The following FGF14 variants were observed in gnomAD, a reference collection of about 807,000 sequenced individuals.
FGF14 encodes fibroblast growth factor 14.
FGF14 carries 5 observed loss-of-function variants against 25.5 expected under a neutral mutation model. The ratio of observed to expected loss-of-function variants is 0.20; its 90% CI spans 0.10 to 0.41. The LOEUF (loss-of-function observed/expected upper bound fraction) is 0.41. Ranked by LOEUF, FGF14 falls within the 10% of genes least tolerant of loss-of-function variation. The pLI is 1.00. For missense variants in FGF14, 222 were observed against 320.1 expected (o/e 0.69, Z 2.34); for synonymous variants, 138 against 118.3 (o/e 1.17, Z -1.08).
intron 1 of FGF14, among the ~76,000 whole-genome samples, chr13:102,091,649 C>T (rs1381314446): frequency 4.6e-5 from 7 of 152,128 alleles, no homozygotes; most frequent in East Asian, 1.9e-4. Flanking sequence ...TAGCACCAGC[C>T]GAGCCACGCC....
At chr13:101,855,191 A>C (rs1012400827) in intron 3 of FGF14, among the ~76,000 whole-genome samples, 1 of 151,994 alleles carries the variant, frequency 6.6e-6, no homozygotes. Context: ...AATGATAATA[A>C]TTTCTTAATA....
intron 1 of FGF14, among the ~76,000 whole-genome samples, chr13:102,130,726 A>C (rs2046161016): frequency 6.6e-6 from 1 of 152,178 alleles, no homozygotes; most frequent in South Asian, 2.1e-4. Flanking sequence ...CTAGGATGAC[A>C]CTTTCAAACA....
intron 3 of FGF14, among the ~76,000 whole-genome samples, chr13:101,745,615 A>G (rs1374684840): frequency 6.6e-6 from 1 of 152,104 alleles, no homozygotes; most frequent in East Asian, 1.9e-4. Context: ...TACAGTATGT[A>G]GTCTTTACAA....
chr13:102,159,654 CTTAT>C (rs938966202), intron 1 of FGF14, among the ~76,000 whole-genome samples: 6 of 152,124 alleles, frequency 3.9e-5, no homozygotes, highest in African/African-American at 1.2e-4. Flanking sequence ...GAGATCCTAT[CTTAT>C]TTATTTTTGT....
rs981843602 is a variant in FGF14, at chr13:101,996,238, T to C, written c.209-120942A>G. The stretch of plus-strand genomic sequence containing the variant: ...GAATAGGTACAAATTGCCAGATATG[T>C]GAAAAATGAGAGTGGGAAAGTAGTT... On this transcript the variant is annotated intron_variant, in intron 1 of 4. Transcript: ENST00000376131. Among the ~76,000 whole-genome samples the C allele has an allele frequency of 3.4e-4, 52 of 152,234 alleles. 1 individual carries two copies. The highest frequency in any genetic ancestry group is 1.2e-3 in the African/African-American group (50 of 41,470).
chr13:102,261,585 G>C (rs1227416834), intron 1 of FGF14, among the ~76,000 whole-genome samples: 2 of 152,172 alleles, frequency 1.3e-5, no homozygotes, highest in African/African-American at 4.8e-5. Context: ...ATGACAGCAG[G>C]CCTCAGAAAT....
At chr13:102,209,845 T>G (rs1264901952) in intron 1 of FGF14, among the ~76,000 whole-genome samples, 1 of 152,170 alleles carries the variant, frequency 6.6e-6, no homozygotes, top group African/African-American at 2.4e-5. Context: ...AAACAAATTT[T>G]TAATTAAAAA....
intron 1 of FGF14, among the ~76,000 whole-genome samples, chr13:102,037,951 C>G (rs1396548297): frequency 6.6e-6 from 1 of 151,808 alleles, no homozygotes; most frequent in African/African-American, 2.4e-5. Context: ...TGTGAACAAG[C>G]AAGAAAGGAA....
upstream of FGF14, among the ~76,000 whole-genome samples, chr13:101,918,654 A>T (rs2033761683): frequency 6.6e-6 from 1 of 152,228 alleles, no homozygotes; most frequent in African/African-American, 2.4e-5. Flanking sequence ...TTCTGCTCTA[A>T]GCAACTTATC....
At chr13:102,344,120 A>G (rs2057033060) in intron 1 of FGF14, among the ~76,000 whole-genome samples, 1 of 152,218 alleles carries the variant, frequency 6.6e-6, no homozygotes, top group African/African-American at 2.4e-5. Context: ...ATGAAACTCA[A>G]TCACTTACGA....
At chr13:102,114,338 T>C (rs559981446) in intron 1 of FGF14, among the ~76,000 whole-genome samples, 11 of 152,172 alleles carry the variant, frequency 7.2e-5, no homozygotes, top group Non-Finnish European at 1.3e-4. Flanking sequence ...GATTAGCAAA[T>C]ATTTTCTCCC....
chr13:101,943,059 A>G (rs2035554253), intron 1 of FGF14, among the ~76,000 whole-genome samples: 1 of 152,224 alleles, frequency 6.6e-6, no homozygotes, highest in African/African-American at 2.4e-5. Context: ...CTTTGTGTCA[A>G]GCAAGTATTA....
chr13:101,814,501 C>T (rs1042668487), intron 3 of FGF14, among the ~76,000 whole-genome samples: 2 of 152,158 alleles, frequency 1.3e-5, no homozygotes, highest in Non-Finnish European at 2.9e-5. Flanking sequence ...GACAATCATG[C>T]AATCATAACC....
At chr13:101,918,634 G>A (rs2033759474), upstream of FGF14, among the ~76,000 whole-genome samples, 1 of 152,248 alleles carries the variant, frequency 6.6e-6, no homozygotes, top group Non-Finnish European at 1.5e-5. Context: ...TTACAGGGAG[G>A]CTGGGCACCT....
intron 1 of FGF14, among the ~76,000 whole-genome samples, chr13:102,200,146 CAT>C (rs2049549497): frequency 6.6e-6 from 1 of 152,142 alleles, no homozygotes; most frequent in African/African-American, 2.4e-5. Context: ...CACACACACA[CAT>C]ATATGCACAC....
At chr13:102,277,735 T>C (rs1257772949) in intron 1 of FGF14, among the ~76,000 whole-genome samples, 1 of 152,220 alleles carries the variant, frequency 6.6e-6, no homozygotes, top group Non-Finnish European at 1.5e-5. Context: ...TTCACACTAA[T>C]TTTACAGCCA....
At chr13:102,345,728 A>C (rs1296797078) in intron 1 of FGF14, among the ~76,000 whole-genome samples, 2 of 152,218 alleles carry the variant, frequency 1.3e-5, no homozygotes, top group African/African-American at 4.8e-5. Flanking sequence ...ACCTAACTTT[A>C]TTTACTTTTA....
intron 1 of FGF14, among the ~76,000 whole-genome samples, chr13:102,340,049 A>T (rs2056902699): frequency 6.6e-6 from 1 of 152,214 alleles, no homozygotes; most frequent in Non-Finnish European, 1.5e-5. Flanking sequence ...TTTCAAAGGC[A>T]CTTGGACTTG....
intron 1 of FGF14, among the ~76,000 whole-genome samples, chr13:102,089,009 T>C (rs2044052223): frequency 6.6e-6 from 1 of 152,164 alleles, no homozygotes; most frequent in Admixed American, 6.5e-5. Flanking sequence ...AGTCAAATCC[T>C]TTCTGGTTCA....
Sources: allele counts gnomAD v4.1 joint callset (sites outside exome capture counted in the v4.1 genomes callset), GRCh38; gene constraint gnomAD v4.1.1; transcripts MANE v1.5; gene names NCBI Gene and HGNC (gene_info 2026-07-23, HGNC 2026-07-21).